HSD17B6: variants seen among roughly 807,000 people sequenced by gnomAD.
HSD17B6 encodes the protein hydroxysteroid 17-beta dehydrogenase 6, also known as 17-beta-hydroxysteroid dehydrogenase type 6.
In HSD17B6, 16 loss-of-function variants were observed where a neutral mutation model predicts 26.4. The ratio of observed to expected loss-of-function variants is 0.61; its 90% CI spans 0.41 to 0.92. The LOEUF is 0.92. Among genes scored for constraint, HSD17B6 ranks in the 40% least tolerant of loss-of-function variants. HSD17B6 has a pLI of 0.00. For missense variants in HSD17B6, 357 were observed against 386.1 expected, an observed-to-expected ratio of 0.92 and a Z score of 0.63; for synonymous variants, 139 against 153.0, an observed-to-expected ratio of 0.91 and a Z score of 0.68.
intron 2 of HSD17B6, among the ~76,000 whole-genome samples, chr12:56,776,011 C>T (rs1465810885): frequency 6.6e-6 from 1 of 152,156 alleles, no homozygotes; most frequent in Non-Finnish European, 1.5e-5. Flanking sequence ...CTGCAACCTC[C>T]ACCTCCCGGC....
intron 1 of HSD17B6, among the ~76,000 whole-genome samples, chr12:56,766,979 T>C (rs1248758601): frequency 1.3e-5 from 2 of 152,160 alleles, no homozygotes; most frequent in Non-Finnish European, 2.9e-5. Flanking sequence ...GGCCATGGCC[T>C]GACCATGAAA....
intron 2 of HSD17B6, among the ~76,000 whole-genome samples, chr12:56,777,422 C>A (rs1348135210): frequency 6.8e-6 from 1 of 148,088 alleles, no homozygotes; most frequent in Non-Finnish European, 1.5e-5. Flanking sequence ...TGGCGTGCAA[C>A]GGCATGATCT....
At chr12:56,776,749 T>C (rs1203726708) in intron 2 of HSD17B6, among the ~76,000 whole-genome samples, 1 of 152,194 alleles carries the variant, frequency 6.6e-6, no homozygotes, top group Non-Finnish European at 1.5e-5. Flanking sequence ...ACTTCTGGGC[T>C]CAAGTGATCC....
At chr12:56,785,621 G>A (rs1954858980) in intron 4 of HSD17B6, among the ~76,000 whole-genome samples, 1 of 152,232 alleles carries the variant, frequency 6.6e-6, no homozygotes, top group South Asian at 2.1e-4. Flanking sequence ...GTCCTCTGTG[G>A]GCCAGGGCAC....
intron 2 of HSD17B6, among the ~76,000 whole-genome samples, chr12:56,775,316 C>T (rs1370377034): frequency 6.6e-6 from 1 of 152,192 alleles, no homozygotes; most frequent in African/African-American, 2.4e-5. Flanking sequence ...CTCCTGGGCT[C>T]AAGCAATCTT....
intron 4 of HSD17B6, among the ~76,000 whole-genome samples, chr12:56,785,693 G>T (rs369506083): frequency 8.5e-5 from 13 of 152,358 alleles, no homozygotes; most frequent in East Asian, 5.8e-4. Flanking sequence ...GTGCCCCTTG[G>T]TAGCATTGCA....
intron 1 of HSD17B6, among the ~76,000 whole-genome samples, chr12:56,766,464 C>T (rs139423762): frequency 7.4e-4 from 112 of 152,306 alleles, no homozygotes; most frequent in Admixed American, 1.0e-3. Context: ...TACCATCTGT[C>T]CTCCAAGGCT....
At chr12:56,784,490 C>T (rs1450074395) in intron 3 of HSD17B6, among the ~76,000 whole-genome samples, 2 of 152,226 alleles carry the variant, frequency 1.3e-5, no homozygotes, top group Non-Finnish European at 2.9e-5. Context: ...GCCCGGCCAA[C>T]ACAGTGAAAC....
At chr12:56,774,877 G>A (rs1281179937) in intron 2 of HSD17B6, among the ~76,000 whole-genome samples, 1 of 152,254 alleles carries the variant, frequency 6.6e-6, no homozygotes, top group Non-Finnish European at 1.5e-5. Flanking sequence ...TTGCTTGCTT[G>A]TCTGCTGCTC....
chr12:56,783,956 C>T (rs1038793458), intron 3 of HSD17B6, among the ~76,000 whole-genome samples: 14 of 151,304 alleles, frequency 9.3e-5, no homozygotes, highest in Non-Finnish European at 1.6e-4. Flanking sequence ...CCTCACTTCT[C>T]AGACGGGGCA....
In HSD17B6 at chr12:56,765,452, A is replaced by C. The variant is rs980006241; in HGVS notation, c.-20+2038A>C. On this transcript the variant is annotated intron_variant, in intron 1 of 4. Transcript: ENST00000322165. ...TCCGTCTCAAAACAAACAACAACAAAAACAAAAACACACACACAAAAAACC... is the reference window on the plus strand; with the variant it reads ...TCCGTCTCAAAACAAACAACAACAACAACAAAAACACACACACAAAAAACC... Among the ~76,000 whole-genome samples the C allele has an allele frequency of 9.2e-5, 14 of 152,108 alleles. No homozygotes were observed. The Middle Eastern group carries it at 0.01, about 111-fold the overall frequency.
intron 1 of HSD17B6, among the ~76,000 whole-genome samples, chr12:56,773,518 A>T (rs1954521188): frequency 6.6e-6 from 1 of 152,192 alleles, no homozygotes; most frequent in East Asian, 1.9e-4. Flanking sequence ...TGTCATCCTT[A>T]TCCACTTTTT....
Position 56,784,935 on chromosome 12 carries a change from T to C in HSD17B6, c.655T>C (p.Ser219Pro). The change falls in exon 4 of 5, where the codon TCC becomes CCC. Residue 219 changes from serine to proline, a missense_variant. Physicochemically the swap from Ser to Pro is moderately conservative, Grantham distance 74. Coordinates refer to ENST00000322165, the MANE Select transcript of HSD17B6 (RefSeq NM_003725.4). ...AACGGGAATGACAAACATGACACAG[T>C]CCTTAGAGCGAATGAAGCAAAGTTG... Reference protein sequence around the residue: ...FRTGMTNMTQSLERMKQSWKE... With the variant: ...FRTGMTNMTQPLERMKQSWKE... 1 of 1,613,932 alleles carries C rather than the reference T, an allele frequency of 6.2e-7. No individual in the cohort carries two copies. The highest frequency in any genetic ancestry group is 8.5e-7 in the Non-Finnish European group (1 of 1,179,978).
At chr12:56,764,621 T>A (rs1005533470) in intron 1 of HSD17B6, among the ~76,000 whole-genome samples, 2 of 152,276 alleles carry the variant, frequency 1.3e-5, no homozygotes, top group Middle Eastern at 3.4e-3. Context: ...ATAATACTAA[T>A]ATCTAACAAT....
chr12:56,769,284 T>A (rs1277881221), intron 1 of HSD17B6, among the ~76,000 whole-genome samples: 3 of 151,988 alleles, frequency 2.0e-5, no homozygotes, highest in African/African-American at 7.2e-5. Flanking sequence ...GTATTTTTAG[T>A]AGAGATGGGG....
intron 2 of HSD17B6, among the ~76,000 whole-genome samples, chr12:56,776,216 G>A (rs1399942430): frequency 7.2e-5 from 11 of 151,976 alleles, no homozygotes; most frequent in African/African-American, 2.7e-4. Flanking sequence ...GTGAGCCATC[G>A]CGCCCGGCTG....
At chr12:56,774,983 A>G (rs957249366) in intron 2 of HSD17B6, among the ~76,000 whole-genome samples, 7 of 152,224 alleles carry the variant, frequency 4.6e-5, no homozygotes, top group Non-Finnish European at 1.5e-5. Context: ...AATAATGACA[A>G]GGAAAAAAGT....
intron 1 of HSD17B6, among the ~76,000 whole-genome samples, chr12:56,765,078 C>T (rs1328984008): frequency 6.6e-6 from 1 of 152,106 alleles, no homozygotes; most frequent in African/African-American, 2.4e-5. Context: ...GCCTGCCTCG[C>T]ATCCCAAAGT....
At chr12:56,786,288 C>A (rs1337063642) in intron 4 of HSD17B6, among the ~76,000 whole-genome samples, 1 of 140,542 alleles carries the variant, frequency 7.1e-6, no homozygotes, top group East Asian at 2.1e-4. Flanking sequence ...CTCGCTCTGT[C>A]ACCCAGGCTG....
Sources: allele counts gnomAD v4.1 joint callset (sites outside exome capture counted in the v4.1 genomes callset), GRCh38; gene constraint gnomAD v4.1.1; transcripts MANE v1.5; gene names NCBI Gene and HGNC (gene_info 2026-07-23, HGNC 2026-07-21).